ZNF658: variants seen among roughly 807,000 people sequenced by gnomAD.
ZNF658 encodes zinc finger protein 658.
Under a neutral mutation model 78.0 loss-of-function variants are expected in ZNF658, and 46 were observed. The ratio of observed to expected loss-of-function variants is 0.59; its 90% CI spans 0.47 to 0.75. ZNF658 has a LOEUF of 0.75. Among genes scored for constraint, ZNF658 ranks in the 30% least tolerant of loss-of-function variants. The probability of loss-of-function intolerance (pLI) is 0.00; values close to 1 mark genes in which losing one functional copy is unlikely to be tolerated. For missense variants in ZNF658, 785 were observed against 1,189.3 expected (o/e 0.66, Z 5.00); for synonymous variants, 279 against 408.4 (o/e 0.68, Z 3.82).
chr9:66,901,684 C>A (rs1187181802), intron 1 of ZNF658, among the ~76,000 whole-genome samples: 1 of 152,102 alleles, frequency 6.6e-6, no homozygotes, highest in African/African-American at 2.4e-5. Flanking sequence ...GTGGCTCATG[C>A]CTGTAATCCC....
rs755582435 is a variant in ZNF658, at chr9:66,920,027, A to C, written c.2461A>C (p.Thr821Pro). The change falls in exon 5 of 5, where the codon ACA becomes CCA. Residue 821 changes from threonine to proline, a missense_variant. Thr to Pro is a conservative substitution (Grantham distance 38). This residue lies in a region of ZNF658 where 58 missense variants were observed against 63.0 expected (regional missense o/e 0.92). Transcript: ENST00000621410. The stretch of plus-strand genomic sequence containing the variant: ...CCTCATAGTGCATCAAAGAATTCAC[A>C]CAGGGGAGAAACCCTATGAATGTAA... ...AALIVHQRIHTGEKPYECNQC... is the reference protein window; with the variant it reads ...AALIVHQRIHPGEKPYECNQC... The C allele has an allele frequency of 6.2e-7, 1 of 1,612,924 alleles. No individual in the cohort carries two copies. Among genetic ancestry groups the C allele is most frequent in the South Asian group, 1.1e-5 (1 of 91,024 alleles).
At position 66,920,335 on chromosome 9, in the gene ZNF658, A is replaced by C. The variant is rs150930800; in HGVS notation, c.2769A>C (p.Ser923=). ...SECGKTFSEK[S]YVSAHQRVHT... ...GTGGGAAAACCTTCTCTGAGAAGTC[A>C]TATGTTAGTGCACATCAGAGAGTTC... Residue 923 remains serine (S), a synonymous_variant, in exon 5 of 5, where the codon TCA becomes TCC. Transcript: ENST00000621410. 2,898 of 1,613,874 alleles carry C rather than the reference A, an allele frequency of 1.8e-3. 6 individuals carry two copies. Among genetic ancestry groups the C allele is most frequent in the Non-Finnish European group, 2.1e-3 (2,465 of 1,179,968 alleles).
At position 66,918,705 on chromosome 9, in the gene ZNF658, T is replaced by A. The variant is rs1822414378; in HGVS notation, c.1139T>A (p.Phe380Tyr). The A allele has an allele frequency of 6.2e-7, 1 of 1,613,888 alleles. No homozygotes were observed. Residue 380 changes from phenylalanine to tyrosine, a missense_variant, in exon 5 of 5, where the codon TTC becomes TAC. By Grantham distance (22) the Phe-to-Tyr change is conservative. This residue lies in a region of ZNF658 where 393 missense variants were observed against 400.2 expected (regional missense o/e 0.98). Transcript: ENST00000621410. ...CAGAGAATTCACACAGAAGATAAAT[T>A]CTACCTTTCTGATGAACATGGGAAA... ...AHQRIHTEDK[F>Y]YLSDEHGKCR...
At chr9:66,914,712 A>T (rs1347714992) in intron 4 of ZNF658, among the ~76,000 whole-genome samples, 54 of 152,142 alleles carry the variant, frequency 3.5e-4, no homozygotes, top group Admixed American at 3.5e-3. Context: ...GAAATGCAGC[A>T]TAAAAACTAT....
chr9:66,921,414 T>C lies in ZNF658; in HGVS notation c.*668T>C, dbSNP rs1822524543. 1 of 151,174 alleles carries C rather than the reference T, an allele frequency of 6.6e-6. No individual in the cohort carries two copies. The highest frequency in any genetic ancestry group is 1.5e-5 in the Non-Finnish European group (1 of 67,784). 9.4% of individuals were successfully genotyped at this position (151,174 alleles called of 1,614,324 possible). On this transcript the variant is annotated 3_prime_UTR_variant, in exon 5 of 5. Coordinates refer to ENST00000621410, the MANE Select transcript of ZNF658 (RefSeq NM_033160.7). Reference sequence around the variant, plus strand: ...AAACATCAATTATAATAAAATTTCATATTTTGAATAAATGACATTTTTCCT... The same window carrying C: ...AAACATCAATTATAATAAAATTTCACATTTTGAATAAATGACATTTTTCCT...
chr9:66,919,668 T>A lies in ZNF658; in HGVS notation c.2102T>A (p.Leu701His). ...AAAACTTTTGCCCATAATTCAGCCC[T>A]CAAAATACATCAGAGAATTCACACG... Reference protein sequence around the residue: ...CEKTFAHNSALKIHQRIHTGE... With the variant: ...CEKTFAHNSAHKIHQRIHTGE... The change falls in exon 5 of 5, where the codon CTC (leucine) becomes CAC (histidine). Residue 701 changes from leucine (L) to histidine (H), a missense_variant. Physicochemically the swap from Leu to His is moderately conservative, Grantham distance 99 (BLOSUM62 -3). Coordinates refer to ENST00000621410, the MANE Select transcript of ZNF658 (RefSeq NM_033160.7). The A allele has an allele frequency of 6.2e-7, 1 of 1,611,876 alleles. No individual in the cohort carries two copies. Among genetic ancestry groups the A allele is most frequent in the Non-Finnish European group, 8.5e-7 (1 of 1,179,736 alleles).
chr9:66,915,031 C>T (rs866991861), intron 4 of ZNF658, among the ~76,000 whole-genome samples: 246 of 148,864 alleles, frequency 1.7e-3, no homozygotes, highest in African/African-American at 5.2e-3. Flanking sequence ...ACTATTTGGT[C>T]CAGAAGTTGT....
At chr9:66,928,808 G>A (rs1309652623) in intron 6 of ZNF658, among the ~76,000 whole-genome samples, 3 of 149,168 alleles carry the variant, frequency 2.0e-5, no homozygotes, top group African/African-American at 7.4e-5. Context: ...GTTTGATAGA[G>A]AGGAGTGGAA....
At chr9:66,921,847 A>T (rs147999824), downstream of ZNF658, among the ~76,000 whole-genome samples, 1,028 of 151,154 alleles carry the variant, frequency 6.8e-3, 10 homozygotes, top group African/African-American at 0.024. Context: ...CTCCAGCTCC[A>T]TACTGGGAGA....
At chr9:66,901,743 G>A (rs926683403) in intron 1 of ZNF658, among the ~76,000 whole-genome samples, 3 of 151,842 alleles carry the variant, frequency 2.0e-5, no homozygotes, top group Non-Finnish European at 2.9e-5. Flanking sequence ...CCAGGAGTTC[G>A]AGACCAGCCT....
intron 3 of ZNF658, 69 bp from the exon 4 acceptor site, chr9:66,908,570 A>T: frequency 1.3e-6 from 2 of 1,528,682 alleles, no homozygotes; most frequent in South Asian, 1.2e-5. Context: ...CTTTGCTGCC[A>T]TATCTTTTTT....
At chr9:66,902,177 T>C (rs1157926251) in intron 1 of ZNF658, among the ~76,000 whole-genome samples, 3 of 148,100 alleles carry the variant, frequency 2.0e-5, no homozygotes, top group East Asian at 4.0e-4. Context: ...AAGGTTTCAA[T>C]TGAGTTTGTT....
chr9:66,919,787 C>G lies in ZNF658; in HGVS notation c.2221C>G (p.Leu741Val). 1 of 1,610,910 alleles carries G rather than the reference C, an allele frequency of 6.2e-7. No individual in the cohort carries two copies. Among genetic ancestry groups the G allele is most frequent in the Non-Finnish European group, 8.5e-7 (1 of 1,179,616 alleles). ...AHQNIHTGEK[L>V]YECSECGKTF... ...TCAGAATATCCACACAGGGGAGAAA[C>G]TCTATGAATGTAGTGAATGTGGAAA... The change falls in exon 5 of 5, where the codon CTC becomes GTC. Residue 741 changes from leucine to valine, a missense_variant. Coordinates refer to ENST00000621410, the MANE Select transcript of ZNF658 (RefSeq NM_033160.7).
At chr9:66,914,656 T>C (rs564736350) in intron 4 of ZNF658, among the ~76,000 whole-genome samples, 1 of 152,218 alleles carries the variant, frequency 6.6e-6, no homozygotes, top group Non-Finnish European at 1.5e-5. Context: ...TGATGTAGTG[T>C]GTGATTTTAG....
rs144176082 is a variant in ZNF658 at position 66,918,755 on chromosome 9, G to C, written c.1189G>C (p.Ala397Pro). The C allele has an allele frequency of 6.2e-7, 1 of 1,613,932 alleles. No individual in the cohort carries two copies. The highest frequency in any genetic ancestry group is 8.5e-7 in the Non-Finnish European group (1 of 1,179,864). The change falls in exon 5 of 5, where the codon GCA becomes CCA. Residue 397 changes from alanine to proline, a missense_variant. Physicochemically the swap from Ala to Pro is conservative, Grantham distance 27. Transcript: ENST00000621410. ...ATGCAGAAAATCCTTTTACCGGAAA[G>C]CACACCTCATTCAGCATCAGAGGCC... Reference protein sequence around the residue: ...GKCRKSFYRKAHLIQHQRPHS... With the variant: ...GKCRKSFYRKPHLIQHQRPHS...
At chr9:66,929,804 G>A (rs1246732435) in intron 6 of ZNF658, among the ~76,000 whole-genome samples, 16 of 96,604 alleles carry the variant, frequency 1.7e-4, no homozygotes, top group Non-Finnish European at 2.1e-5. Flanking sequence ...TTTTTTTTTA[G>A]ACGGAGTCTT....
rs371599247 is a variant in ZNF658, at chr9:66,918,970, T to C, written c.1404T>C (p.Cys468=). ...GAATTCACACAAAAGAGAAACCTTG[T>C]GATAACAATGGCTGTGGGAGATCTT... The part of the protein sequence containing the change: ...HLRIHTKEKP[C]DNNGCGRSYK... Residue 468 remains cysteine (C), a synonymous_variant, in exon 5 of 5, where the codon TGT becomes TGC. Coordinates refer to ENST00000621410, the MANE Select transcript of ZNF658 (RefSeq NM_033160.7). 1.2e-5 allele frequency: 16 copies of C among 1,364,546 alleles called. No homozygotes were observed. The highest frequency in any genetic ancestry group is 7.1e-5 in the African/African-American group (4 of 56,360). 84.5% of individuals were successfully genotyped at this position (1,364,546 alleles called of 1,614,324 possible). A position where few individuals can be genotyped will look rare whatever the true frequency, so the allele number is the denominator to read the frequency against.
In ZNF658 at chr9:66,920,396, G is replaced by C; in HGVS notation, c.2830G>C (p.Gly944Arg). The C allele has an allele frequency of 4.3e-6, 7 of 1,612,042 alleles. No individual in the cohort carries two copies. Among genetic ancestry groups the C allele is most frequent in the Non-Finnish European group, 5.9e-6 (7 of 1,179,734 alleles). Residue 944 changes from glycine to arginine, a missense_variant, in exon 5 of 5, where the codon GGG becomes CGG. This residue lies in a region of ZNF658 where 85 missense variants were observed against 108.6 expected (regional missense o/e 0.78). Transcript: ENST00000621410. Reference protein sequence around the residue: ...GEKPYECNVCGKPFAHNSTLR... With the variant: ...GEKPYECNVCRKPFAHNSTLR... ...GAAACCCTACGAATGTAATGTATGTGGGAAGCCATTTGCCCATAATTCAAC... is the reference window on the plus strand; with the variant it reads ...GAAACCCTACGAATGTAATGTATGTCGGAAGCCATTTGCCCATAATTCAAC...
chr9:66,918,218 G>A lies in ZNF658; in HGVS notation c.652G>A (p.Asp218Asn). 6.2e-7 allele frequency: 1 copy of A among 1,605,574 alleles called. No homozygotes were observed. The highest frequency in any genetic ancestry group is 8.5e-7 in the Non-Finnish European group (1 of 1,177,038). Residue 218 changes from aspartate (D) to asparagine (N), a missense_variant, in exon 5 of 5, where the codon GAT (aspartate) becomes AAT (asparagine). This residue lies in a region of ZNF658 where 393 missense variants were observed against 400.2 expected (regional missense o/e 0.98). Coordinates refer to ENST00000621410, the MANE Select transcript of ZNF658 (RefSeq NM_033160.7). ...AACTTTGGAGGAATCTTTTGAATGTGATGGATCTGGACAAGGTTTATATGA... is the reference window on the plus strand; with the variant it reads ...AACTTTGGAGGAATCTTTTGAATGTAATGGATCTGGACAAGGTTTATATGA... ...FQTLEESFEC[D>N]GSGQGLYDKT...
Sources: allele counts gnomAD v4.1 joint callset (sites outside exome capture counted in the v4.1 genomes callset), GRCh38; gene constraint gnomAD v4.1.1; regional missense constraint gnomAD v4.1.1; transcripts MANE v1.5; gene names NCBI Gene and HGNC (gene_info 2026-07-23, HGNC 2026-07-21).